ITGA3: variants seen among roughly 807,000 people sequenced by gnomAD.
The protein encoded by ITGA3 is integrin alpha-3.
Under a neutral mutation model 131.1 loss-of-function variants are expected in ITGA3, and 70 were observed. The ratio of observed to expected loss-of-function variants is 0.53; its 90% CI spans 0.44 to 0.65. The LOEUF is 0.65. Among genes scored for constraint, ITGA3 ranks in the 30% least tolerant of loss-of-function variants. The pLI is 0.00. For missense variants in ITGA3, 1,098 were observed against 1,388.6 expected (o/e 0.79, Z 3.33); for synonymous variants, 537 against 571.6 (o/e 0.94, Z 0.86).
At chr17:50,066,929 AC>A (rs1213659192) in intron 3 of ITGA3, among the ~76,000 whole-genome samples, 1 of 152,104 alleles carries the variant, frequency 6.6e-6, no homozygotes, top group African/African-American at 2.4e-5. Context: ...ATCATTTGCC[AC>A]CCCATAAGCC....
chr17:50,087,718 G>C lies in ITGA3; in HGVS notation c.2920-26G>C. The C allele has an allele frequency of 2.5e-6, 4 of 1,604,366 alleles. No homozygotes were observed. In the South Asian group the frequency reaches 3.3e-5, roughly 13 times the overall value. On this transcript the variant is annotated intron_variant, in intron 23 of 25. Coordinates refer to ENST00000320031, the MANE Select transcript of ITGA3 (RefSeq NM_002204.4). ...ATGGGCCTAAGCAGGCTGACACAGGGCTGAGTCCTCCTCTCCCCGCTCCAG... is the reference window on the plus strand; with the variant it reads ...ATGGGCCTAAGCAGGCTGACACAGGCCTGAGTCCTCCTCTCCCCGCTCCAG...
Position 50,064,528 on chromosome 17 carries a change from A to T in ITGA3, c.335A>T (p.Asn112Ile). 1 of 1,611,412 alleles carries T rather than the reference A, an allele frequency of 6.2e-7. No individual in the cohort carries two copies. Among genetic ancestry groups the T allele is most frequent in the Non-Finnish European group, 8.5e-7 (1 of 1,179,260 alleles). The change falls in exon 3 of 26, where the codon AAT (asparagine) becomes ATT (isoleucine). Residue 112 changes from asparagine (N) to isoleucine (I), a missense_variant and splice_region_variant. Physicochemically the swap from Asn to Ile is moderately radical, Grantham distance 149. This residue lies in a region of ITGA3 where 356 missense variants were observed against 529.2 expected (regional missense o/e 0.67). Coordinates refer to ENST00000320031, the MANE Select transcript of ITGA3 (RefSeq NM_002204.4). The surrounding 1 kb of genome is among the most constrained non-coding windows in gnomAD (Gnocchi z 4.4). ...TTCATGATCCTTCCGGTGCCCACAG[A>T]TGACCCTGGCCATCACATTATTGAG... is the stretch of plus-strand genomic sequence containing the variant. The part of the protein sequence containing the change: ...DCERMNITVK[N>I]DPGHHIIEDM...
intron 1 of ITGA3, among the ~76,000 whole-genome samples, chr17:50,060,859 A>C (rs1435371879): frequency 1.3e-5 from 2 of 152,148 alleles, no homozygotes; most frequent in African/African-American, 2.4e-5. Context: ...ACCAGACCTA[A>C]AAGCAGGTGG....
At chr17:50,071,564 G>T (rs375561420) in intron 6 of ITGA3, 46 bp downstream of exon 6, 2 of 1,519,218 alleles carry the variant, frequency 1.3e-6, no homozygotes, top group Non-Finnish European at 8.9e-7. Context: ...AGCGATGGGC[G>T]GGGGAAGGCT....
intron 23 of ITGA3, chr17:50,087,541 G>A: frequency 3.7e-6 from 2 of 535,518 alleles, no homozygotes; most frequent in Non-Finnish European, 3.3e-6. Context: ...CCGCTCCTCT[G>A]GAGTCAAGTC....
At chr17:50,087,718 GCT>G in intron 23 of ITGA3, 24 bp from the exon 24 acceptor site, 1 of 1,604,366 alleles carries the variant, frequency 6.2e-7, no homozygotes, top group Non-Finnish European at 8.5e-7. Context: ...CTGACACAGG[GCT>G]GAGTCCTCCT....
chr17:50,077,887 C>A, intron 16 of ITGA3, 159 bp from the exon 17 acceptor site: 1 of 601,962 alleles, frequency 1.7e-6, no homozygotes, highest in Non-Finnish European at 3.0e-6. Flanking sequence ...GAAAGGGAGG[C>A]AGAGGTGGGG....
chr17:50,056,706 T>C lies in ITGA3; in HGVS notation c.206+61T>C. The C allele has an allele frequency of 4.6e-6, 7 of 1,509,704 alleles. No individual in the cohort carries two copies. Among genetic ancestry groups the C allele is most frequent in the Non-Finnish European group, 6.3e-6 (7 of 1,116,268 alleles). 93.5% of individuals were successfully genotyped at this position (1,509,704 alleles called of 1,614,324 possible). Reference sequence around the variant, plus strand: ...AGAGTGTGCGAGCGCGGGATGCGGGTCCGGAGCTGAGTCGGAGCCCAGGGC... The same window carrying C: ...AGAGTGTGCGAGCGCGGGATGCGGGCCCGGAGCTGAGTCGGAGCCCAGGGC... On this transcript the variant is annotated intron_variant, in intron 1 of 25. Coordinates refer to ENST00000320031, the MANE Select transcript of ITGA3 (RefSeq NM_002204.4). The surrounding 1 kb of genome is among the most constrained non-coding windows in gnomAD (Gnocchi z 5.6).
chr17:50,058,203 C>G (rs199147), intron 1 of ITGA3, among the ~76,000 whole-genome samples: 54,638 of 152,144 alleles, frequency 0.36, 12,133 homozygotes, highest in East Asian at 0.77. Context: ...TCCCCCAAAA[C>G]GGGTTGGACC....
At position 50,077,931 on chromosome 17, in the gene ITGA3, G is replaced by A. The variant is rs1249406233; in HGVS notation, c.2140-115G>A. The A allele has an allele frequency of 1.3e-5, 10 of 793,804 alleles. No individual in the cohort carries two copies. The East Asian group carries it at 2.0e-4, about 16-fold the overall frequency. The allele number at this position is 793,804 out of a possible 1,614,324, so 49.2% of individuals were successfully genotyped here. A position where few individuals can be genotyped will look rare whatever the true frequency, so the allele number is the denominator to read the frequency against. ...TAGAGACCCCTCACCCAGAATAGGA[G>A]GAGGAGGAGAAGGCCAGAAAGCCAA... On this transcript the variant is annotated intron_variant, in intron 16 of 25. Coordinates refer to ENST00000320031, the MANE Select transcript of ITGA3 (RefSeq NM_002204.4).
intron 7 of ITGA3, among the ~76,000 whole-genome samples, chr17:50,073,636 A>G (rs926375552): frequency 2.7e-5 from 4 of 148,638 alleles, no homozygotes; most frequent in Non-Finnish European, 3.0e-5. Context: ...ACACACACGC[A>G]CACACGCACA....
At position 50,079,058 on chromosome 17, in the gene ITGA3, C is replaced by T; in HGVS notation, c.2401-18C>T. 12 of 1,610,552 alleles carry T rather than the reference C, an allele frequency of 7.5e-6. No homozygotes were observed. The highest frequency in any genetic ancestry group is 9.3e-6 in the Non-Finnish European group (11 of 1,177,126). ...GTTTTCCAGGAGATAATGACTATGACACATCTTGTGCCCACAGGTGGGCCC... is the reference window on the plus strand; with the variant it reads ...GTTTTCCAGGAGATAATGACTATGATACATCTTGTGCCCACAGGTGGGCCC... On this transcript the variant is annotated intron_variant, in intron 19 of 25. Transcript: ENST00000320031.
intron 6 of ITGA3, 95 bp from the exon 7 acceptor site, chr17:50,071,891 C>T: frequency 9.0e-7 from 1 of 1,108,670 alleles, no homozygotes; most frequent in Non-Finnish European, 1.3e-6. Context: ...ATTTGCAGAG[C>T]CCTGTGCCCT....
chr17:50,064,568 A>T lies in ITGA3; in HGVS notation c.375A>T (p.Gly125=). The change falls in exon 3 of 26, where the codon GGA becomes GGT. Residue 125 remains glycine (G), a synonymous_variant. Transcript: ENST00000320031. This position sits in a 1 kb window ranked among gnomAD's most constrained non-coding sequence, Gnocchi z 4.4. ...GHHIIEDMWL[G]VTVASQGPAG... is the part of the protein sequence containing the mutation. Reference sequence around the variant, plus strand: ...ACATTATTGAGGACATGTGGCTTGGAGTGACTGTGGCCAGCCAGGGCCCTG... The same window carrying T: ...ACATTATTGAGGACATGTGGCTTGGTGTGACTGTGGCCAGCCAGGGCCCTG... The T allele has an allele frequency of 1.2e-6, 2 of 1,613,122 alleles. No homozygotes were observed. Among genetic ancestry groups the T allele is most frequent in the Non-Finnish European group, 1.7e-6 (2 of 1,179,820 alleles).
intron 16 of ITGA3, among the ~76,000 whole-genome samples, chr17:50,077,714 C>T (rs1365303419): frequency 1.3e-5 from 2 of 152,144 alleles, no homozygotes; most frequent in Non-Finnish European, 2.9e-5. Context: ...AGCCCCTGAG[C>T]CCAACACTGT....
chr17:50,074,333 C>T, intron 9 of ITGA3, 53 bp downstream of exon 9: 1 of 1,606,510 alleles, frequency 6.2e-7, no homozygotes. Context: ...TCTTTGTCTG[C>T]ACAGATTCCC....
chr17:50,087,474 C>G (rs1296679800), intron 23 of ITGA3: 1 of 397,476 alleles, frequency 2.5e-6, no homozygotes, highest in Non-Finnish European at 4.5e-6. Context: ...AGCTGGTACC[C>G]AGGCCCAGAT....
At chr17:50,070,976 GC>G in intron 5 of ITGA3, 46 bp downstream of exon 5, 1 of 1,222,664 alleles carries the variant, frequency 8.2e-7, no homozygotes, top group South Asian at 1.2e-5. Flanking sequence ...GGGGAAGGGG[GC>G]TTAGTCCCTG....
rs764066781 is a variant in ITGA3 at position 50,070,890 on chromosome 17, T to C, written c.711T>C (p.Tyr237=). The C allele has an allele frequency of 1.2e-6, 2 of 1,612,452 alleles. No individual in the cohort carries two copies. The highest frequency in any genetic ancestry group is 1.7e-6 in the Non-Finnish European group (2 of 1,178,704). ...GCAAGGAGTGGGACTTATCTGAGTA[T>C]AGTTACAAGGACCCAGAGGACCAAG... is the stretch of plus-strand genomic sequence containing the variant. ...IQRKEWDLSE[Y]SYKDPEDQGN... is the part of the protein sequence containing the mutation. The change falls in exon 5 of 26, where the codon TAT becomes TAC. Residue 237 remains tyrosine (Y), a synonymous_variant. Coordinates refer to ENST00000320031, the MANE Select transcript of ITGA3 (RefSeq NM_002204.4).
Sources: allele counts gnomAD v4.1 joint callset (sites outside exome capture counted in the v4.1 genomes callset), GRCh38; gene constraint gnomAD v4.1.1; regional missense constraint gnomAD v4.1.1; non-coding constraint Gnocchi (gnomAD v3.1); transcripts MANE v1.5; gene names NCBI Gene and HGNC (gene_info 2026-07-23, HGNC 2026-07-21).